NXPE3: variants seen among roughly 807,000 people sequenced by gnomAD.
NXPE3 encodes the protein NXPE family member 3.
Under a neutral mutation model 46.1 loss-of-function variants are expected in NXPE3, and 26 were observed. The ratio of observed to expected loss-of-function variants is 0.56; its 90% CI spans 0.41 to 0.78. The LOEUF is 0.78. Ranked by LOEUF, NXPE3 falls within the 30% of genes least tolerant of loss-of-function variation. The pLI is 0.00. For synonymous variants in NXPE3, 272 were observed against 257.9 expected, an observed-to-expected ratio of 1.05 and a Z score of -0.52; for missense variants, 620 against 686.0, an observed-to-expected ratio of 0.90 and a Z score of 1.07.
intron 6 of NXPE3, among the ~76,000 whole-genome samples, chr3:101,811,768 C>G (rs1307000518): frequency 7.5e-6 from 1 of 133,040 alleles, no homozygotes; most frequent in South Asian, 2.5e-4. Context: ...GTGTCTCGCT[C>G]TGTCGCCCAG....
intron 4 of NXPE3, among the ~76,000 whole-genome samples, chr3:101,788,059 T>C (rs780273109): frequency 2.0e-5 from 3 of 152,204 alleles, no homozygotes; most frequent in Non-Finnish European, 4.4e-5. Context: ...CACTTGTCAT[T>C]TTGTTTTGTT....
chr3:101,825,884 T>C lies in NXPE3; in HGVS notation c.*3930T>C, dbSNP rs1942469126. Reference sequence around the variant, plus strand: ...ACTGAGATGATTGATTTGATGCTATTTGTGACAGACAGAACCCATAATAAA... The same window carrying C: ...ACTGAGATGATTGATTTGATGCTATCTGTGACAGACAGAACCCATAATAAA... On this transcript the variant is annotated 3_prime_UTR_variant, in exon 8 of 8. Coordinates refer to ENST00000273347, the MANE Select transcript of NXPE3 (RefSeq NM_145037.4). 1 of 152,224 alleles carries C rather than the reference T, an allele frequency of 6.6e-6. No individual in the cohort carries two copies. Among genetic ancestry groups the C allele is most frequent in the Non-Finnish European group, 1.5e-5 (1 of 68,044 alleles). The allele number at this position is 152,224 out of a possible 1,614,324, so 9.4% of individuals were successfully genotyped here.
intron 5 of NXPE3, 120 bp from the exon 6 acceptor site, chr3:101,806,933 G>T (rs993087669): frequency 1.4e-6 from 1 of 724,622 alleles, no homozygotes. Flanking sequence ...ACATTCATAA[G>T]TATATTTCAT....
intron 4 of NXPE3, among the ~76,000 whole-genome samples, chr3:101,797,946 G>A (rs1197923463): frequency 1.1e-5 from 1 of 93,402 alleles, no homozygotes; most frequent in African/African-American, 4.3e-5. Flanking sequence ...ACCCAGTAAT[G>A]GGATGGCTGG....
At chr3:101,812,587 G>A (rs184933911) in intron 6 of NXPE3, among the ~76,000 whole-genome samples, 6 of 152,120 alleles carry the variant, frequency 3.9e-5, no homozygotes, top group African/African-American at 1.4e-4. Context: ...GCCGAGGCGG[G>A]TGGGTCATGA....
chr3:101,782,446 A>G (rs1939878302), intron 2 of NXPE3, among the ~76,000 whole-genome samples, 156 bp downstream of exon 2: 1 of 152,096 alleles, frequency 6.6e-6, no homozygotes, highest in Non-Finnish European at 1.5e-5. Flanking sequence ...TGTTTATAGG[A>G]AAATACCAAA....
At chr3:101,810,547 G>A (rs754541369) in intron 6 of NXPE3, among the ~76,000 whole-genome samples, 1 of 152,144 alleles carries the variant, frequency 6.6e-6, no homozygotes, top group Non-Finnish European at 1.5e-5. Context: ...TAAGAGAGTG[G>A]CATTATCCTA....
At position 101,795,729 on chromosome 3, in the gene NXPE3, C is replaced by T. The variant is rs538124789; in HGVS notation, c.94-5506C>T. Among the ~76,000 whole-genome samples the T allele has an allele frequency of 2.6e-5, 4 of 151,930 alleles. No individual in the cohort carries two copies. The South Asian group carries it at 6.2e-4, about 24-fold the overall frequency. ...GGCTTTGGGCTTCAGGTAAAGATGC[C>T]CAATTCAAGCTAATGGTAATATATA... On this transcript the variant is annotated intron_variant, in intron 4 of 7. Coordinates refer to ENST00000273347, the MANE Select transcript of NXPE3 (RefSeq NM_145037.4).
At chr3:101,788,658 C>G (rs541692152) in intron 4 of NXPE3, among the ~76,000 whole-genome samples, 1 of 152,254 alleles carries the variant, frequency 6.6e-6, no homozygotes, top group East Asian at 1.9e-4. Flanking sequence ...CTCTGTTGCC[C>G]AGGTTGGAGT....
chr3:101,794,610 T>C (rs1374419427), intron 4 of NXPE3, among the ~76,000 whole-genome samples: 1 of 152,188 alleles, frequency 6.6e-6, no homozygotes, highest in Non-Finnish European at 1.5e-5. Context: ...CTTACTGCAT[T>C]GGTTTTGTGA....
intron 2 of NXPE3, among the ~76,000 whole-genome samples, 156 bp from the exon 3 acceptor site, chr3:101,782,504 A>G (rs2107229820): frequency 6.6e-6 from 1 of 152,274 alleles, no homozygotes; most frequent in South Asian, 2.1e-4. Flanking sequence ...CATGCCGTGA[A>G]ATAGTTTTCT....
chr3:101,801,229 C>CTT lies in NXPE3; in HGVS notation c.94-5_94-4dup. 2.5e-6 allele frequency: 4 copies of CTT among 1,595,660 alleles called. No individual in the cohort carries two copies. The highest frequency in any genetic ancestry group is 3.4e-6 in the Non-Finnish European group (4 of 1,170,842). ...TAATTTCTGTTGTTTGTGTCTTCTT[C>CTT]TTCAGTACTTGGACCATGAGACTGT... On this transcript the variant is annotated splice_polypyrimidine_tract_variant and splice_region_variant and intron_variant, in intron 4 of 7. Coordinates refer to ENST00000273347, the MANE Select transcript of NXPE3 (RefSeq NM_145037.4).
Position 101,801,503 on chromosome 3 carries a change from G to A in NXPE3, c.362G>A (p.Ser121Asn), listed in dbSNP as rs780911672. ...TCTGCTGCCTTCTTTAAGGTGGGAA[G>A]CCAGCTTGAGGTGCTGGTTCATGTG... Reference protein sequence around the residue: ...LNSAAFFKVGSQLEVLVHVQD... With the variant: ...LNSAAFFKVGNQLEVLVHVQD... Residue 121 changes from serine (S) to asparagine (N), a missense_variant, in exon 5 of 8, where the codon AGC becomes AAC. Physicochemically the swap from Ser to Asn is conservative, Grantham distance 46. This residue lies in a region of NXPE3 where 511 missense variants were observed against 528.6 expected (regional missense o/e 0.97). Transcript: ENST00000273347. The A allele has an allele frequency of 6.2e-7, 1 of 1,614,162 alleles. No individual in the cohort carries two copies. Among genetic ancestry groups the A allele is most frequent in the Non-Finnish European group, 8.5e-7 (1 of 1,180,042 alleles).
At chr3:101,803,309 T>G (rs906742742) in intron 5 of NXPE3, among the ~76,000 whole-genome samples, 1 of 152,162 alleles carries the variant, frequency 6.6e-6, no homozygotes, top group Non-Finnish European at 1.5e-5. Flanking sequence ...CAGCTTTTGG[T>G]CATACCAGAT....
At chr3:101,786,862 A>C (rs539769392) in intron 4 of NXPE3, among the ~76,000 whole-genome samples, 4 of 152,280 alleles carry the variant, frequency 2.6e-5, no homozygotes, top group African/African-American at 9.6e-5. Context: ...ATTGTTGTGC[A>C]ATCACCCCAC....
chr3:101,797,175 T>G (rs1305650627), intron 4 of NXPE3, among the ~76,000 whole-genome samples: 1 of 152,214 alleles, frequency 6.6e-6, no homozygotes, highest in African/African-American at 2.4e-5. Flanking sequence ...CCCCTCCCCA[T>G]TCTTTACTCT....
chr3:101,809,339 C>G (rs1002261484), intron 6 of NXPE3, among the ~76,000 whole-genome samples: 1 of 152,066 alleles, frequency 6.6e-6, no homozygotes, highest in Non-Finnish European at 1.5e-5. Context: ...TGGAAGGAAC[C>G]CAGCTTGGCA....
At chr3:101,781,650 A>G (rs1261393933) in intron 1 of NXPE3, 1 of 152,250 alleles carries the variant, frequency 6.6e-6, no homozygotes, top group Non-Finnish European at 1.5e-5. Context: ...AAAATAAAGC[A>G]TGAGTAAGTG....
chr3:101,795,332 G>A (rs901130159), intron 4 of NXPE3, among the ~76,000 whole-genome samples: 3 of 151,994 alleles, frequency 2.0e-5, no homozygotes, highest in Admixed American at 2.0e-4. Context: ...CAGCTTGGCC[G>A]ACATGGCGAA....
Sources: allele counts gnomAD v4.1 joint callset (sites outside exome capture counted in the v4.1 genomes callset), GRCh38; gene constraint gnomAD v4.1.1; regional missense constraint gnomAD v4.1.1; transcripts MANE v1.5; gene names NCBI Gene and HGNC (gene_info 2026-07-23, HGNC 2026-07-21).